The following PCNT variants were observed in gnomAD, a reference collection of about 807,000 sequenced individuals.
PCNT encodes the protein kendrin.
In PCNT, 319 loss-of-function variants were observed where a neutral mutation model predicts 380.4. That is an observed-to-expected ratio of 0.84 (90% CI 0.77 to 0.92). The LOEUF is 0.92. PCNT is among the 40% of genes least tolerant of loss of function. The pLI is 0.00. For missense variants in PCNT, 4,400 were observed against 4,255.3 expected (o/e 1.03, Z -0.95); for synonymous variants, 1,845 against 1,735.2 (o/e 1.06, Z -1.57).
At chr21:46,342,417 A>G (rs939382787) in intron 3 of PCNT, among the ~76,000 whole-genome samples, 2 of 151,550 alleles carry the variant, frequency 1.3e-5, no homozygotes, top group East Asian at 3.9e-4. Context: ...TCCATACTGT[A>G]TTTTTATAGT....
intron 3 of PCNT, among the ~76,000 whole-genome samples, chr21:46,343,430 C>G (rs1348272906): frequency 1.5e-5 from 2 of 136,446 alleles, no homozygotes; most frequent in Admixed American, 1.6e-4. Flanking sequence ...TGGGGTATAT[C>G]ACATTTGTTA....
chr21:46,443,881 G>T lies in PCNT; in HGVS notation c.9772G>T (p.Gly3258Cys), dbSNP rs959807854. 3 of 1,613,082 alleles carry T rather than the reference G, an allele frequency of 1.9e-6. No homozygotes were observed. Among genetic ancestry groups the T allele is most frequent in the African/African-American group, 2.7e-5 (2 of 75,006 alleles). The change falls in exon 45 of 47, where the codon GGC becomes TGC. Residue 3258 changes from glycine (G) to cysteine (C), a missense_variant. By Grantham distance (159) the Gly-to-Cys change is radical (BLOSUM62 -3). Coordinates refer to ENST00000359568, the MANE Select transcript of PCNT (RefSeq NM_006031.6). ...CCCCCCAACCCGGGATGTACCCTCT[G>T]GCCACACCAGGGACCCTGCCAGAGG... ...ESPPTRDVPSGHTRDPARGRR... is the reference protein window; with the variant it reads ...ESPPTRDVPSCHTRDPARGRR...
At position 46,429,354 on chromosome 21, in the gene PCNT, C is replaced by T. The variant is rs553355583; in HGVS notation, c.7691-656C>T. Among the ~76,000 whole-genome samples, 745 of 95,162 alleles carry T rather than the reference C, an allele frequency of 7.8e-3. 14 individuals are homozygous for T. The highest frequency in any genetic ancestry group is 0.046 in the African/African-American group (708 of 15,408). The allele number at this position is 95,162 out of a possible 152,430, so 62.4% of individuals were successfully genotyped here. ...TGGGGGGGCTGGCGCTGTGCACGTG[C>T]TCGTGAGGGGCACGGGCAGGGGGTG... On this transcript the variant is annotated intron_variant, in intron 35 of 46. Coordinates refer to ENST00000359568, the MANE Select transcript of PCNT (RefSeq NM_006031.6).
intron 29 of PCNT, among the ~76,000 whole-genome samples, chr21:46,414,449 C>T (rs571501092): frequency 1.4e-5 from 1 of 69,108 alleles, no homozygotes; most frequent in East Asian, 4.2e-4. Context: ...TGGACACAGT[C>T]GCCCACCCTC....
chr21:46,393,636 G>T (rs189996442), intron 21 of PCNT, among the ~76,000 whole-genome samples: 1 of 152,322 alleles, frequency 6.6e-6, no homozygotes, highest in East Asian at 1.9e-4. Flanking sequence ...ATAAAGGGGT[G>T]TGTGGCCTGC....
intron 43 of PCNT, among the ~76,000 whole-genome samples, chr21:46,441,852 G>A (rs2053614884): frequency 6.6e-6 from 1 of 152,116 alleles, no homozygotes; most frequent in Non-Finnish European, 1.5e-5. Flanking sequence ...TCCCTGTGAG[G>A]GCACTGCCTA....
chr21:46,344,752 G>A (rs2084012567), intron 3 of PCNT, among the ~76,000 whole-genome samples: 1 of 152,232 alleles, frequency 6.6e-6, no homozygotes, highest in Admixed American at 6.5e-5. Flanking sequence ...CCACAGTGAC[G>A]GTGGGCTCAG....
chr21:46,336,463 A>G (rs1351272883), intron 3 of PCNT, among the ~76,000 whole-genome samples: 2 of 152,008 alleles, frequency 1.3e-5, no homozygotes, highest in Non-Finnish European at 2.9e-5. Flanking sequence ...TAGCCTCAAC[A>G]TTTTGATTCT....
chr21:46,344,563 T>G (rs11701361), intron 3 of PCNT, among the ~76,000 whole-genome samples: 7 of 152,044 alleles, frequency 4.6e-5, no homozygotes, highest in Non-Finnish European at 1.0e-4. Flanking sequence ...AGTTCCCCAG[T>G]TGGGGCAGAA....
intron 13 of PCNT, among the ~76,000 whole-genome samples, chr21:46,358,258 G>T (rs1166369199): frequency 1.3e-5 from 2 of 152,238 alleles, no homozygotes; most frequent in Admixed American, 6.5e-5. Context: ...TGTGTGTTCT[G>T]ACTCAACCTC....
rs2086350824 is a variant in PCNT at position 46,399,535 on chromosome 21, A to C, written c.4585-55A>C. ...TTTTGGGTACTTTTTTGTTTGGAAA[A>C]TGGGTTTTTATAAAACATTCTATTG... On this transcript the variant is annotated intron_variant, in intron 24 of 46. Coordinates refer to ENST00000359568, the MANE Select transcript of PCNT (RefSeq NM_006031.6). The C allele has an allele frequency of 5.8e-6, 8 of 1,381,962 alleles. No individual in the cohort carries two copies. In the Middle Eastern group the frequency reaches 6.0e-4, roughly 104 times the overall value. The allele number at this position is 1,381,962 out of a possible 1,614,324, so 85.6% of individuals were successfully genotyped here.
Position 46,431,637 on chromosome 21 carries a change from G to C in PCNT, c.8173G>C (p.Glu2725Gln). Reference sequence around the variant, plus strand: ...CAACCTGCAGAAGGAGCTGCGTATCGAGCACTCACGCTGCGAGGCCTTGCT... The same window carrying C: ...CAACCTGCAGAAGGAGCTGCGTATCCAGCACTCACGCTGCGAGGCCTTGCT... ...KDNLQKELRI[E>Q]HSRCEALLAQ... is the part of the protein sequence containing the mutation. The change falls in exon 38 of 47, where the codon GAG becomes CAG. Residue 2725 changes from glutamate (E) to glutamine (Q), a missense_variant. Physicochemically the swap from Glu to Gln is conservative, Grantham distance 29. Coordinates refer to ENST00000359568, the MANE Select transcript of PCNT (RefSeq NM_006031.6). The C allele has an allele frequency of 6.2e-7, 1 of 1,613,880 alleles. No individual in the cohort carries two copies. Among genetic ancestry groups the C allele is most frequent in the South Asian group, 1.1e-5 (1 of 91,080 alleles).
Position 46,431,957 on chromosome 21 carries a change from G to C in PCNT, c.8493G>C (p.Glu2831Asp), listed in dbSNP as rs756210658. ...QLEAEAQKHC[E>D]ALRREKEVSA... ...AGGCTGAGGCTCAGAAGCACTGTGAGGCGCTCAGGAGAGAGAAGGAGGTAA... is the reference window on the plus strand; with the variant it reads ...AGGCTGAGGCTCAGAAGCACTGTGACGCGCTCAGGAGAGAGAAGGAGGTAA... The change falls in exon 38 of 47, where the codon GAG becomes GAC. Residue 2831 changes from glutamate to aspartate, a missense_variant. Coordinates refer to ENST00000359568, the MANE Select transcript of PCNT (RefSeq NM_006031.6). 4 of 1,614,012 alleles carry C rather than the reference G, an allele frequency of 2.5e-6. No individual in the cohort carries two copies. The highest frequency in any genetic ancestry group is 2.2e-5 in the East Asian group (1 of 44,886).
At chr21:46,377,980 G>T (rs1156370327) in intron 15 of PCNT, among the ~76,000 whole-genome samples, 1 of 152,148 alleles carries the variant, frequency 6.6e-6, no homozygotes, top group Non-Finnish European at 1.5e-5. Flanking sequence ...TGTGCCCTCG[G>T]TGTCCGCGGC....
At position 46,364,236 on chromosome 21, in the gene PCNT, C is replaced by T. The variant is rs554332943; in HGVS notation, c.2609+302C>T. 1.2e-4 allele frequency among the ~76,000 whole-genome samples: 18 copies of T among 151,642 alleles called. 1 individual carries two copies. The South Asian group carries it at 3.7e-3, about 32-fold the overall frequency. The stretch of plus-strand genomic sequence containing the variant: ...GAGCCCCCTGGCCGCAGTGGGACAG[C>T]TTTGTGCTCGGACGGGCAGGCTGGC... On this transcript the variant is annotated intron_variant, in intron 14 of 46. Transcript: ENST00000359568.
chr21:46,415,043 T>C (rs1446066419), intron 29 of PCNT, among the ~76,000 whole-genome samples: 1 of 152,250 alleles, frequency 6.6e-6, no homozygotes, highest in Non-Finnish European at 1.5e-5. Flanking sequence ...TGCTGAAGCC[T>C]GCTGAGACCT....
In PCNT at chr21:46,412,969, C is replaced by G. The variant is rs2086839664; in HGVS notation, c.6127C>G (p.Leu2043Val). ...ELLLVKNEMR[L>V]SLEDGGKGKE... Reference sequence around the variant, plus strand: ...GCTCTTGGTGAAAAATGAAATGCGCCTGAGTCTGGAGGACGGCGGCAAGGT... The same window carrying G: ...GCTCTTGGTGAAAAATGAAATGCGCGTGAGTCTGGAGGACGGCGGCAAGGT... Residue 2043 changes from leucine to valine, a missense_variant, in exon 29 of 47, where the codon CTG (leucine) becomes GTG (valine). Physicochemically the swap from Leu to Val is conservative, Grantham distance 32. Coordinates refer to ENST00000359568, the MANE Select transcript of PCNT (RefSeq NM_006031.6). The G allele has an allele frequency of 6.2e-7, 1 of 1,609,432 alleles. No individual in the cohort carries two copies. Among genetic ancestry groups the G allele is most frequent in the Admixed American group, 1.7e-5 (1 of 59,962 alleles).
At chr21:46,338,665 C>T (rs1036659345) in intron 3 of PCNT, among the ~76,000 whole-genome samples, 6 of 149,456 alleles carry the variant, frequency 4.0e-5, no homozygotes, top group African/African-American at 9.9e-5. Context: ...CAGGCTGGAG[C>T]GGTGATCTCG....
chr21:46,325,133 G>A, intron 1 of PCNT: 1 of 985,626 alleles, frequency 1.0e-6, no homozygotes, highest in Non-Finnish European at 1.2e-6. Context: ...AGCGCGCAGA[G>A]CCCATGACTC....
Sources: gnomAD v4.1 joint callset for allele counts (sites outside exome capture counted in the v4.1 genomes callset) on GRCh38, gnomAD v4.1.1 for gene constraint, MANE v1.5 for transcripts, NCBI Gene and HGNC (gene_info 2026-07-23, HGNC 2026-07-21) for gene names.